The following RCOR1 variants were observed in gnomAD, a reference collection of about 807,000 sequenced individuals.
RCOR1 encodes the protein REST corepressor.
A neutral mutation model predicts 64.0 loss-of-function variants in RCOR1; 12 were observed. The ratio of observed to expected loss-of-function variants is 0.19; its 90% confidence interval spans 0.12 to 0.30. The LOEUF is 0.30. Ranked by LOEUF, RCOR1 falls within the 10% of genes least tolerant of loss-of-function variation. RCOR1 has a pLI of 1.00. For synonymous variants in RCOR1, 279 were observed against 227.2 expected (o/e 1.23, Z -2.05); for missense variants, 502 against 621.2 (o/e 0.81, Z 2.04).
intron 3 of RCOR1, chr14:102,695,428 C>T (rs761976290): frequency 6.6e-6 from 1 of 152,192 alleles, no homozygotes; most frequent in Admixed American, 6.5e-5. Context: ...TGATTCTTCA[C>T]AATTGCAGAT....
chr14:102,655,048 C>T (rs1260160408), intron 2 of RCOR1, among the ~76,000 whole-genome samples: 1 of 150,404 alleles, frequency 6.6e-6, no homozygotes, highest in Non-Finnish European at 1.5e-5. Context: ...TGGCCTCAAG[C>T]CATCCTCCCT....
At chr14:102,599,420 C>T (rs1893338310) in intron 2 of RCOR1, among the ~76,000 whole-genome samples, 1 of 152,006 alleles carries the variant, frequency 6.6e-6, no homozygotes, top group African/African-American at 2.4e-5. Context: ...GTGTGAGCCA[C>T]CGTGTTCAGC....
intron 2 of RCOR1, among the ~76,000 whole-genome samples, chr14:102,667,502 A>G (rs1319494060): frequency 1.3e-5 from 2 of 151,806 alleles, no homozygotes; most frequent in African/African-American, 2.4e-5. Flanking sequence ...CTCTGTCTCA[A>G]TAATAATAAT....
chr14:102,688,714 G>A (rs550559487), intron 3 of RCOR1, among the ~76,000 whole-genome samples: 3 of 152,254 alleles, frequency 2.0e-5, no homozygotes, highest in South Asian at 4.1e-4. Flanking sequence ...ATTAAATGCC[G>A]TTAAGTATAG....
chr14:102,657,435 A>G (rs1894749574), intron 2 of RCOR1: 1 of 985,220 alleles, frequency 1.0e-6, no homozygotes, highest in African/African-American at 1.7e-5. Context: ...TGCTTAAGTT[A>G]AGACTAATAT....
At chr14:102,722,002 C>T (rs79487711) in intron 10 of RCOR1, among the ~76,000 whole-genome samples, 185 bp from the exon 11 acceptor site, 1,898 of 152,166 alleles carry the variant, frequency 0.012, 41 homozygotes, top group African/African-American at 0.044. Flanking sequence ...ATGACAGGGT[C>T]GGTCATCTCC....
At chr14:102,635,275 G>T (rs796840919) in intron 2 of RCOR1, among the ~76,000 whole-genome samples, 1 of 152,148 alleles carries the variant, frequency 6.6e-6, no homozygotes, top group African/African-American at 2.4e-5. Context: ...CGGCCCAGGC[G>T]GGTGGATCAC....
At chr14:102,627,405 C>G (rs1024791374) in intron 2 of RCOR1, among the ~76,000 whole-genome samples, 4 of 152,104 alleles carry the variant, frequency 2.6e-5, no homozygotes, top group Admixed American at 1.3e-4. Flanking sequence ...GCCCGTAATC[C>G]CAACACTTTG....
In RCOR1 at chr14:102,671,882, A is replaced by G. The variant is rs112922598; in HGVS notation, c.362-10013A>G. Reference sequence around the variant, plus strand: ...TGCCCTACAGCCTCTGGCAATCACTAATCATCTTTCTGTCTGGACGGTTCA... The same window carrying G: ...TGCCCTACAGCCTCTGGCAATCACTGATCATCTTTCTGTCTGGACGGTTCA... On this transcript the variant is annotated intron_variant, in intron 2 of 11. Coordinates refer to ENST00000262241, the MANE Select transcript of RCOR1 (RefSeq NM_015156.4). Among the ~76,000 whole-genome samples the G allele has an allele frequency of 6.7e-3, 1,016 of 152,270 alleles. 13 individuals carry two copies. Among genetic ancestry groups the G allele is most frequent in the African/African-American group, 0.024 (980 of 41,554 alleles).
At chr14:102,715,821 G>A (rs1182949472) in intron 8 of RCOR1, among the ~76,000 whole-genome samples, 1 of 152,166 alleles carries the variant, frequency 6.6e-6, no homozygotes, top group Non-Finnish European at 1.5e-5. Flanking sequence ...AAGTGGTCCT[G>A]TCATTTTATG....
intron 2 of RCOR1, among the ~76,000 whole-genome samples, chr14:102,606,861 A>G (rs1247890739): frequency 6.7e-6 from 1 of 148,196 alleles, no homozygotes; most frequent in Admixed American, 6.7e-5. Flanking sequence ...TTCTAAGAAT[A>G]TGTGCTTGGT....
intron 2 of RCOR1, among the ~76,000 whole-genome samples, chr14:102,640,741 G>A (rs1343561521): frequency 6.6e-6 from 1 of 152,200 alleles, no homozygotes; most frequent in Non-Finnish European, 1.5e-5. Flanking sequence ...TTGGGAGACT[G>A]AGGTAGGAGG....
At chr14:102,718,412 C>T (rs934053351) in intron 8 of RCOR1, among the ~76,000 whole-genome samples, 1 of 152,196 alleles carries the variant, frequency 6.6e-6, no homozygotes, top group African/African-American at 2.4e-5. Flanking sequence ...AAGACATCAT[C>T]AACCTCTACC....
chr14:102,719,453 A>G (rs1227942209), intron 8 of RCOR1, among the ~76,000 whole-genome samples: 3 of 152,032 alleles, frequency 2.0e-5, no homozygotes, highest in Admixed American at 6.6e-5. Flanking sequence ...CCTGTGTCCA[A>G]GTGTTCTCAT....
chr14:102,670,626 TCTTC>T (rs1294886871), intron 2 of RCOR1, among the ~76,000 whole-genome samples: 5 of 151,982 alleles, frequency 3.3e-5, no homozygotes, highest in African/African-American at 4.8e-5. Flanking sequence ...TTTTCATACC[TCTTC>T]CTTAAGCTTC....
At chr14:102,627,408 A>G (rs1353335987) in intron 2 of RCOR1, among the ~76,000 whole-genome samples, 1 of 152,176 alleles carries the variant, frequency 6.6e-6, no homozygotes, top group Non-Finnish European at 1.5e-5. Context: ...CGTAATCCCA[A>G]CACTTTGGGA....
At chr14:102,710,772 G>A (rs1895940928) in intron 6 of RCOR1, 163 bp from the exon 7 acceptor site, 1 of 605,250 alleles carries the variant, frequency 1.7e-6, no homozygotes, top group Non-Finnish European at 2.9e-6. Context: ...TTACAAAGAT[G>A]TTTTTATCTC....
At chr14:102,706,092 C>G (rs1208525200) in intron 4 of RCOR1, among the ~76,000 whole-genome samples, 1 of 97,896 alleles carries the variant, frequency 1.0e-5, no homozygotes, top group Non-Finnish European at 1.8e-5. Context: ...CCAGCCTGGG[C>G]AAGGAGAGTG....
intron 2 of RCOR1, chr14:102,662,591 A>T (rs1894846381): frequency 4.5e-6 from 2 of 448,974 alleles, no homozygotes; most frequent in African/African-American, 2.1e-5. Flanking sequence ...TGATGTGTGG[A>T]TCTTTTTTTT....
Sources: gnomAD v4.1 joint callset for allele counts (sites outside exome capture counted in the v4.1 genomes callset) on GRCh38, gnomAD v4.1.1 for gene constraint, MANE v1.5 for transcripts, NCBI Gene and HGNC (gene_info 2026-07-23, HGNC 2026-07-21) for gene names.